The following FLYWCH1 variants were observed in gnomAD, a reference collection of about 807,000 sequenced individuals.
FLYWCH1 encodes the protein FLYWCH-type zinc finger-containing protein 1.
FLYWCH1 carries 75 observed loss-of-function variants against 66.4 expected under a neutral mutation model. That is an observed-to-expected ratio of 1.13 (90% CI 0.94 to 1.37). The LOEUF (loss-of-function observed/expected upper bound fraction) is 1.37. FLYWCH1 is among the 40% of genes most tolerant of loss of function. The pLI is 0.00. For missense variants in FLYWCH1, 1,334 were observed against 1,001.8 expected (o/e 1.33, Z -4.48); for synonymous variants, 595 against 429.9 (o/e 1.38, Z -4.75).
rs2070782328 is a variant in FLYWCH1 at position 2,932,113 on chromosome 16, GTC to G, written c.797-1014_797-1013del. Reference sequence around the variant, plus strand: ...AGCCTGGGCAAAAGAGCAAGACTCTGTCTCAAAAAAAAAAAAAAAAAATTAGC... The same window carrying G: ...AGCCTGGGCAAAAGAGCAAGACTCTGTCAAAAAAAAAAAAAAAAAATTAGC... On this transcript the variant is annotated intron_variant, in intron 4 of 9. Transcript: ENST00000253928. Among the ~76,000 whole-genome samples the G allele has an allele frequency of 2.8e-5, 2 of 71,008 alleles. 1 individual carries two copies. Among genetic ancestry groups the G allele is most frequent in the South Asian group, 8.7e-4 (2 of 2,302 alleles). 46.6% of individuals were successfully genotyped at this position (71,008 alleles called of 152,430 possible). A position where few individuals can be genotyped will look rare whatever the true frequency, so the allele number is the denominator to read the frequency against.
Position 2,933,938 on chromosome 16 carries a change from A to G in FLYWCH1, c.1472A>G (p.Gln491Arg). 6.4e-7 allele frequency: 1 copy of G among 1,564,352 alleles called. No homozygotes were observed. ...PDLGGLEALRQREKRPNTAQR... is the reference protein window; with the variant it reads ...PDLGGLEALRRREKRPNTAQR... ...CTGGGAGGCCTGGAGGCCCTGAGGC[A>G]GCGGGAGAAACGCCCCAACACGGCG... The change falls in exon 6 of 10, where the codon CAG becomes CGG. Residue 491 changes from glutamine (Q) to arginine (R), a missense_variant. By Grantham distance (43) the Gln-to-Arg change is conservative. Coordinates refer to ENST00000253928, the MANE Select transcript of FLYWCH1 (RefSeq NM_001308068.2).
Position 2,950,492 on chromosome 16 carries a change from T to C in FLYWCH1, c.*1765T>C, listed in dbSNP as rs1234978295. 1.3e-5 allele frequency: 2 copies of C among 152,462 alleles called. No individual in the cohort carries two copies. The highest frequency in any genetic ancestry group is 4.8e-5 in the African/African-American group (2 of 41,452). The allele number at this position is 152,462 out of a possible 1,614,324, so 9.4% of individuals were successfully genotyped here. ...GGGGAAGCTCTCCACATGCCCAAGA[T>C]ACGAGAGAAACGCCCGGGTCACAGC... On this transcript the variant is annotated 3_prime_UTR_variant, in exon 10 of 10. Transcript: ENST00000253928.
chr16:2,919,590 A>T (rs2070296841), intron 2 of FLYWCH1, among the ~76,000 whole-genome samples: 1 of 152,032 alleles, frequency 6.6e-6, no homozygotes, highest in African/African-American at 2.4e-5. Context: ...AGATGGGGTC[A>T]TGTGATGTTG....
chr16:2,936,992 C>T (rs1398880695), intron 6 of FLYWCH1, 129 bp from the exon 7 acceptor site: 3 of 1,161,832 alleles, frequency 2.6e-6, no homozygotes, highest in East Asian at 5.2e-5. Context: ...GCATCTGTGT[C>T]CTGGGCTCCG....
In FLYWCH1 at chr16:2,933,482, C is replaced by A; in HGVS notation, c.1149C>A (p.Leu383=). ...LYRRGPGPLT[L]TRPRPRKRAK... Reference sequence around the variant, plus strand: ...GCAGGGGTCCGGGTCCCCTGACTCTCACCAGGCCTCGGCCCAGAAAGCGAG... The same window carrying A: ...GCAGGGGTCCGGGTCCCCTGACTCTAACCAGGCCTCGGCCCAGAAAGCGAG... The change falls in exon 5 of 10, where the codon CTC becomes CTA. Residue 383 remains leucine, a synonymous_variant. Transcript: ENST00000253928. 17 of 1,605,084 alleles carry A rather than the reference C, an allele frequency of 1.1e-5. No individual in the cohort carries two copies. The highest frequency in any genetic ancestry group is 1.4e-5 in the Non-Finnish European group (16 of 1,176,388).
At chr16:2,922,763 G>A (rs1049327720) in intron 2 of FLYWCH1, 3 of 516,766 alleles carry the variant, frequency 5.8e-6, no homozygotes, top group African/African-American at 5.8e-5. Context: ...TATTGACCTG[G>A]GCCACAACCA....
At chr16:2,931,217 C>T (rs1342411982) in intron 4 of FLYWCH1, among the ~76,000 whole-genome samples, 4 of 147,122 alleles carry the variant, frequency 2.7e-5, no homozygotes, top group African/African-American at 1.0e-4. Context: ...GCAGGAGAAT[C>T]GCTTGAACCC....
At chr16:2,921,895 C>G (rs1272349164) in intron 2 of FLYWCH1, among the ~76,000 whole-genome samples, 2 of 151,346 alleles carry the variant, frequency 1.3e-5, no homozygotes, top group Admixed American at 6.6e-5. Flanking sequence ...AACCCCATCT[C>G]TACTAAAAAA....
In FLYWCH1 at chr16:2,933,398, G is replaced by C; in HGVS notation, c.1065G>C (p.Gln355His). The part of the protein sequence containing the change: ...EKAVETLQAG[Q>H]DGPGSQVDTL... ...CCGTGGAGACGCTGCAGGCTGGGCAGGACGGCCCTGGGAGCCAAGTGGACA... is the reference window on the plus strand; with the variant it reads ...CCGTGGAGACGCTGCAGGCTGGGCACGACGGCCCTGGGAGCCAAGTGGACA... The change falls in exon 5 of 10, where the codon CAG (glutamine) becomes CAC (histidine). Residue 355 changes from glutamine to histidine, a missense_variant. Transcript: ENST00000253928. 6.2e-7 allele frequency: 1 copy of C among 1,601,570 alleles called. No individual in the cohort carries two copies. Among genetic ancestry groups the C allele is most frequent in the Non-Finnish European group, 8.5e-7 (1 of 1,174,912 alleles).
At chr16:2,926,565 A>G (rs1283746684) in intron 2 of FLYWCH1, among the ~76,000 whole-genome samples, 1 of 152,230 alleles carries the variant, frequency 6.6e-6, no homozygotes, top group Non-Finnish European at 1.5e-5. Context: ...TGGGAAAAAA[A>G]TTCATGGACC....
Position 2,933,496 on chromosome 16 carries a change from C to A in FLYWCH1, c.1163C>A (p.Pro388His). ...CCCCTGACTCTCACCAGGCCTCGGC[C>A]CAGAAAGCGAGCAAAGGTCGAAGAC... The part of the protein sequence containing the change: ...PGPLTLTRPR[P>H]RKRAKVEDQE... Residue 388 changes from proline to histidine, a missense_variant, in exon 5 of 10, where the codon CCC becomes CAC. Physicochemically the swap from Pro to His is moderately conservative, Grantham distance 77. Transcript: ENST00000253928. The A allele has an allele frequency of 1.2e-6, 2 of 1,610,318 alleles. No homozygotes were observed. The highest frequency in any genetic ancestry group is 1.1e-5 in the South Asian group (1 of 90,468).
intron 6 of FLYWCH1, chr16:2,936,379 C>G (rs1329046777): frequency 1.3e-5 from 6 of 456,668 alleles, no homozygotes; most frequent in Non-Finnish European, 2.6e-5. Flanking sequence ...TCCCGAGCCT[C>G]CCTGCTCCAC....
In FLYWCH1 at chr16:2,933,202, A is replaced by G. The variant is rs565122278; in HGVS notation, c.869A>G (p.Tyr290Cys). ...GSFLVHESFL[Y>C]KREKAVGDKV... Reference sequence around the variant, plus strand: ...TTCCTGGTACACGAGTCGTTCCTCTACAAGCGGGAGAAGGCTGTCGGGGAC... The same window carrying G: ...TTCCTGGTACACGAGTCGTTCCTCTGCAAGCGGGAGAAGGCTGTCGGGGAC... Residue 290 changes from tyrosine to cysteine, a missense_variant, in exon 5 of 10, where the codon TAC becomes TGC. By Grantham distance (194) the Tyr-to-Cys change is radical (BLOSUM62 -2). Coordinates refer to ENST00000253928, the MANE Select transcript of FLYWCH1 (RefSeq NM_001308068.2). 5.6e-6 allele frequency: 9 copies of G among 1,613,574 alleles called. No individual in the cohort carries two copies. Among genetic ancestry groups the G allele is most frequent in the Admixed American group, 1.7e-5 (1 of 59,982 alleles).
At chr16:2,931,257 C>T (rs565407622) in intron 4 of FLYWCH1, among the ~76,000 whole-genome samples, 139 of 141,818 alleles carry the variant, frequency 9.8e-4, no homozygotes, top group African/African-American at 3.5e-3. Flanking sequence ...AAGCCCAGAT[C>T]GCTCCACTGT....
At position 2,937,369 on chromosome 16, in the gene FLYWCH1, C is replaced by A. The variant is rs561697053; in HGVS notation, c.1762C>A (p.Gln588Lys). 29 of 1,575,518 alleles carry A rather than the reference C, an allele frequency of 1.8e-5. No homozygotes were observed. In the East Asian group the frequency reaches 5.2e-4, roughly 28 times the overall value. ...GCGGGAGCACTTCCCCAACCTGGCG[C>A]AGTGGGACAGCCCAGGTGCGTGTGG... is the stretch of plus-strand genomic sequence containing the variant. ...RQREHFPNLA[Q>K]WDSPDPLRPL... Residue 588 changes from glutamine to lysine, a missense_variant, in exon 7 of 10, where the codon CAG becomes AAG. By Grantham distance (53) the Gln-to-Lys change is moderately conservative. Transcript: ENST00000253928.
chr16:2,940,573 T>C (rs2071219317), intron 9 of FLYWCH1, among the ~76,000 whole-genome samples: 2 of 152,182 alleles, frequency 1.3e-5, no homozygotes, highest in South Asian at 4.1e-4. Flanking sequence ...GTAGCTGGGA[T>C]TACAGGCATG....
At chr16:2,942,044 TAAATA>T (rs1417185898) in intron 9 of FLYWCH1, among the ~76,000 whole-genome samples, 1 of 65,614 alleles carries the variant, frequency 1.5e-5, no homozygotes, top group Non-Finnish European at 3.5e-5. Context: ...AGGAAGGAAA[TAAATA>T]ATAAATGAAA....
At chr16:2,939,804 G>C (rs371843277) in intron 8 of FLYWCH1, 7 of 443,460 alleles carry the variant, frequency 1.6e-5, no homozygotes, top group African/African-American at 1.2e-4. Flanking sequence ...ATGTCTAGTT[G>C]ACCCCCACTA....
At chr16:2,943,743 C>T (rs1456820517) in intron 9 of FLYWCH1, among the ~76,000 whole-genome samples, 1 of 152,026 alleles carries the variant, frequency 6.6e-6, no homozygotes, top group Non-Finnish European at 1.5e-5. Context: ...CGAGACCAGC[C>T]TGGCCAACAT....
Sources: allele counts gnomAD v4.1 joint callset (sites outside exome capture counted in the v4.1 genomes callset), GRCh38; gene constraint gnomAD v4.1.1; transcripts MANE v1.5; gene names NCBI Gene and HGNC (gene_info 2026-07-23, HGNC 2026-07-21).